Variants in KIAA1328 observed in about 807,000 individuals in gnomAD.
KIAA1328 encodes the protein protein hinderin.
A neutral mutation model predicts 68.1 loss-of-function variants in KIAA1328; 52 were observed. The ratio of observed to expected loss-of-function variants is 0.76; its 90% CI spans 0.61 to 0.96. The LOEUF (loss-of-function observed/expected upper bound fraction) is 0.96, where lower values mean the gene tolerates loss of function less well. KIAA1328 is among the 40% of genes least tolerant of loss of function. The probability of loss-of-function intolerance (pLI) is 0.00; values close to 1 mark genes in which losing one functional copy is unlikely to be tolerated. For synonymous variants in KIAA1328, 232 were observed against 239.4 expected, an observed-to-expected ratio of 0.97 and a Z score of 0.28; for missense variants, 641 against 677.6, an observed-to-expected ratio of 0.95 and a Z score of 0.60.
intron 5 of KIAA1328, among the ~76,000 whole-genome samples, chr18:36,939,446 T>C (rs904403863): frequency 2.0e-5 from 3 of 152,164 alleles, no homozygotes; most frequent in African/African-American, 7.2e-5. Context: ...TGGTTTTGGG[T>C]TCTGCAATTT....
chr18:36,837,280 G>A (rs1459922787), intron 3 of KIAA1328, among the ~76,000 whole-genome samples: 2 of 152,130 alleles, frequency 1.3e-5, no homozygotes, highest in Non-Finnish European at 1.5e-5. Flanking sequence ...TTTGAGGATG[G>A]CCACCCTAGT....
intron 6 of KIAA1328, among the ~76,000 whole-genome samples, chr18:36,973,362 ATACC>A (rs1470320811): frequency 6.6e-6 from 1 of 152,142 alleles, no homozygotes; most frequent in Non-Finnish European, 1.5e-5. Context: ...ATTAGGAGGT[ATACC>A]TAATGTAAAT....
chr18:37,031,026 G>T (rs2054806478), intron 6 of KIAA1328, among the ~76,000 whole-genome samples: 1 of 152,070 alleles, frequency 6.6e-6, no homozygotes, highest in Admixed American at 6.6e-5. Context: ...CATTTTTTAT[G>T]GCTGCATAGT....
chr18:37,142,955 G>GTTTTTTTTTTTTTT (rs1415751411), intron 7 of KIAA1328, among the ~76,000 whole-genome samples: 1 of 126,552 alleles, frequency 7.9e-6, no homozygotes, highest in African/African-American at 3.0e-5. Flanking sequence ...TTTTTTTTTT[G>GTTTTTTTTTTTTTT]TTTTTTTTTT....
intron 7 of KIAA1328, among the ~76,000 whole-genome samples, chr18:37,107,876 A>AAC (rs2057816958): frequency 6.8e-6 from 1 of 147,498 alleles, no homozygotes; most frequent in South Asian, 2.1e-4. Context: ...TTAAAAAAAA[A>AAC]AACAGATGCT....
At chr18:36,960,301 G>T (rs114751347) in intron 6 of KIAA1328, among the ~76,000 whole-genome samples, 1 of 152,300 alleles carries the variant, frequency 6.6e-6, no homozygotes, top group East Asian at 1.9e-4. Flanking sequence ...AACAGTGGCC[G>T]GGAAGCTCGA....
intron 9 of KIAA1328, among the ~76,000 whole-genome samples, chr18:37,180,711 G>T (rs557005744): frequency 6.6e-6 from 1 of 151,744 alleles, no homozygotes; most frequent in South Asian, 2.1e-4. Context: ...CAGGTTTTCT[G>T]ATGTTCCTAG....
intron 6 of KIAA1328, among the ~76,000 whole-genome samples, chr18:36,998,030 C>G (rs2053456341): frequency 6.6e-6 from 1 of 152,154 alleles, no homozygotes; most frequent in African/African-American, 2.4e-5. Context: ...CTTCTCCTCA[C>G]CCATGTGCTC....
At chr18:36,851,536 T>G (rs2047211788) in intron 4 of KIAA1328, among the ~76,000 whole-genome samples, 1 of 145,620 alleles carries the variant, frequency 6.9e-6, no homozygotes, top group Non-Finnish European at 1.5e-5. Context: ...TTTGGTAATT[T>G]TTTTTGTTTT....
rs773956511 is a variant in KIAA1328, at chr18:36,835,184, T to C, written c.95-50T>C. 1.4e-5 allele frequency: 22 copies of C among 1,559,500 alleles called. No individual in the cohort carries two copies. The Admixed American group carries it at 3.0e-4, about 21-fold the overall frequency. ...AAGGAAGGAGTTGATGGGGGAGGGTTTAAGATAATAAGGTATAATTTTGAA... is the reference window on the plus strand; with the variant it reads ...AAGGAAGGAGTTGATGGGGGAGGGTCTAAGATAATAAGGTATAATTTTGAA... On this transcript the variant is annotated intron_variant, in intron 2 of 9. Coordinates refer to ENST00000280020, the MANE Select transcript of KIAA1328 (RefSeq NM_020776.3).
chr18:36,911,803 A>G (rs2049462836), intron 5 of KIAA1328, among the ~76,000 whole-genome samples: 2 of 152,172 alleles, frequency 1.3e-5, no homozygotes, highest in Non-Finnish European at 2.9e-5. Flanking sequence ...GACCTTATAC[A>G]GTTGAGATTA....
intron 7 of KIAA1328, among the ~76,000 whole-genome samples, chr18:37,101,702 A>G (rs1331048091): frequency 6.6e-6 from 1 of 152,226 alleles, no homozygotes; most frequent in Non-Finnish European, 1.5e-5. Flanking sequence ...AGCAACTCCA[A>G]GACACATAAT....
At chr18:36,993,859 G>A (rs1402943067) in intron 6 of KIAA1328, among the ~76,000 whole-genome samples, 1 of 151,832 alleles carries the variant, frequency 6.6e-6, no homozygotes, top group African/African-American at 2.4e-5. Flanking sequence ...AGTAGTATTG[G>A]GAGTAACAAA....
chr18:36,829,346 G>A, intron 1 of KIAA1328, 150 bp downstream of exon 1: 1 of 1,389,016 alleles, frequency 7.2e-7, no homozygotes. Flanking sequence ...TAGGTGCTGG[G>A]CTCTCCCCTT....
At chr18:37,106,535 C>T (rs1432429692) in intron 7 of KIAA1328, among the ~76,000 whole-genome samples, 1 of 151,902 alleles carries the variant, frequency 6.6e-6, no homozygotes. Flanking sequence ...TCTCCTGCCA[C>T]AGCCTCCCGA....
At chr18:37,103,473 C>A (rs2057683551) in intron 7 of KIAA1328, among the ~76,000 whole-genome samples, 1 of 152,026 alleles carries the variant, frequency 6.6e-6, no homozygotes, top group South Asian at 2.1e-4. Flanking sequence ...GAAACTAGAC[C>A]CTTGTCTCTC....
chr18:36,949,597 T>TCCG (rs796963668), intron 5 of KIAA1328, among the ~76,000 whole-genome samples: 1 of 57,360 alleles, frequency 1.7e-5, no homozygotes, highest in Non-Finnish European at 3.4e-5. Flanking sequence ...TCTACCCAGC[T>TCCG]CCCCCCCCCC....
At chr18:37,084,294 G>C in intron 7 of KIAA1328, 4 of 927,364 alleles carry the variant, frequency 4.3e-6, no homozygotes, top group African/African-American at 1.7e-5. Flanking sequence ...GGATACGTTT[G>C]GTATACTTTT....
At chr18:37,063,530 A>C in intron 6 of KIAA1328, 1 of 469,902 alleles carries the variant, frequency 2.1e-6, no homozygotes, top group South Asian at 9.2e-5. Flanking sequence ...GGTCCTCCCT[A>C]CACTCAAGGA....
Sources: allele counts gnomAD v4.1 joint callset (sites outside exome capture counted in the v4.1 genomes callset), GRCh38; gene constraint gnomAD v4.1.1; transcripts MANE v1.5; gene names NCBI Gene and HGNC (gene_info 2026-07-23, HGNC 2026-07-21).